The following TMPRSS6 variants were observed in gnomAD, a reference collection of about 807,000 sequenced individuals.
TMPRSS6 encodes the protein transmembrane serine protease 6, also known as transmembrane protease serine 6.
TMPRSS6 carries 67 observed loss-of-function variants against 101.5 expected under a neutral mutation model. That is an observed-to-expected ratio of 0.66 (90% CI 0.54 to 0.81). The LOEUF is 0.81. Ranked by LOEUF, TMPRSS6 falls within the 30% of genes least tolerant of loss-of-function variation. The pLI is 0.00. For missense variants in TMPRSS6, 1,034 were observed against 1,088.7 expected (o/e 0.95, Z 0.71); for synonymous variants, 453 against 464.9 (o/e 0.97, Z 0.33).
chr22:37,088,013 T>G (rs920060766), intron 7 of TMPRSS6, among the ~76,000 whole-genome samples: 1 of 152,016 alleles, frequency 6.6e-6, no homozygotes, highest in African/African-American at 2.4e-5. Context: ...GACCTGTCAT[T>G]TTAGAGCTTC....
In TMPRSS6 at chr22:37,069,333, G is replaced by T; in HGVS notation, c.1853C>A (p.Thr618Lys). Residue 618 changes from threonine (T) to lysine (K), a missense_variant, in exon 16 of 18, where the codon ACG becomes AAG. Coordinates refer to ENST00000676104, the MANE Select transcript of TMPRSS6 (RefSeq NM_001374504.1). This position sits in a 1 kb window ranked among gnomAD's most constrained non-coding sequence, Gnocchi z 4.8. ...HCFQEDSMAS[T>K]VLWTVFLGKV... ...GCCCAGGAACACGGTCCACAGCACC[G>T]TGGAGGCCATGCTGGGGTGGGGTGG... The T allele has an allele frequency of 3.1e-6, 4 of 1,299,472 alleles. No individual in the cohort carries two copies. The highest frequency in any genetic ancestry group is 3.2e-6 in the Non-Finnish European group (3 of 946,318). The allele number at this position is 1,299,472 out of a possible 1,614,324, so 80.5% of individuals were successfully genotyped here. A position where few individuals can be genotyped will look rare whatever the true frequency, so the allele number is the denominator to read the frequency against.
rs1212128825 is a variant in TMPRSS6 at position 37,065,473 on chromosome 22, TCAC to T, written c.*604_*606del. On this transcript the variant is annotated 3_prime_UTR_variant, in exon 18 of 18. Coordinates refer to ENST00000676104, the MANE Select transcript of TMPRSS6 (RefSeq NM_001374504.1). ...GCTTTATTCCAAAGGGCAGCTGAGC[TCAC>T]CTCCCAGTGAGGGTCTGGGCTGTGA... 6.5e-6 allele frequency: 1 copy of T among 153,846 alleles called. No homozygotes were observed. The highest frequency in any genetic ancestry group is 2.4e-5 in the African/African-American group (1 of 41,448). 9.5% of individuals were successfully genotyped at this position (153,846 alleles called of 1,614,324 possible). A position where few individuals can be genotyped will look rare whatever the true frequency, so the allele number is the denominator to read the frequency against.
At chr22:37,098,317 C>T in intron 3 of TMPRSS6, 99 bp downstream of exon 3, 1 of 1,575,656 alleles carries the variant, frequency 6.3e-7, no homozygotes, top group Non-Finnish European at 8.7e-7. Context: ...CCTGTGAATG[C>T]TCCAGATGGG....
chr22:37,078,937 G>A (rs5750377), intron 10 of TMPRSS6, among the ~76,000 whole-genome samples: 2,604 of 65,242 alleles, frequency 0.04, 102 homozygotes, highest in African/African-American at 0.27. Flanking sequence ...GAGGAAGAAG[G>A]AGAAGGAGAA....
At chr22:37,075,417 C>T (rs1314370139) in intron 10 of TMPRSS6, 137 bp from the exon 11 acceptor site, 4 of 1,189,678 alleles carry the variant, frequency 3.4e-6, no homozygotes, top group Non-Finnish European at 4.7e-6. Context: ...TGATTTCTCC[C>T]TTAGATGAGT....
intron 11 of TMPRSS6, among the ~76,000 whole-genome samples, 177 bp downstream of exon 11, chr22:37,074,958 C>T (rs1927486673): frequency 6.6e-6 from 1 of 152,246 alleles, no homozygotes; most frequent in Non-Finnish European, 1.5e-5. Flanking sequence ...GGCTGCCTTG[C>T]ACACGTGGGC....
At chr22:37,092,091 C>CTT (rs11319214) in intron 6 of TMPRSS6, among the ~76,000 whole-genome samples, 1,962 of 143,266 alleles carry the variant, frequency 0.014, 49 homozygotes, top group African/African-American at 0.048. Context: ...AATAATTACC[C>CTT]TTTTTTTTTT....
chr22:37,089,544 G>GGCCACCCAAC, intron 7 of TMPRSS6, 34 bp downstream of exon 7: 2 of 1,348,862 alleles, frequency 1.5e-6, no homozygotes, highest in Non-Finnish European at 2.1e-6. Context: ...CCCTTTTCCA[G>GGCCACCCAAC]CCCTCCCTCC....
intron 10 of TMPRSS6, among the ~76,000 whole-genome samples, chr22:37,079,909 T>C (rs1199374918): frequency 6.6e-6 from 1 of 152,170 alleles, no homozygotes; most frequent in Non-Finnish European, 1.5e-5. Flanking sequence ...CCACTAGCGC[T>C]CCGGAGAACA....
At chr22:37,072,838 T>TGATG (rs777111682) in intron 13 of TMPRSS6, among the ~76,000 whole-genome samples, 17 of 125,086 alleles carry the variant, frequency 1.4e-4, no homozygotes, top group Admixed American at 3.2e-4. Context: ...GATAGACGGA[T>TGATG]GATGGATGGA....
chr22:37,085,706 G>T (rs1425265890), intron 8 of TMPRSS6, among the ~76,000 whole-genome samples: 1 of 152,084 alleles, frequency 6.6e-6, no homozygotes, highest in Non-Finnish European at 1.5e-5. Context: ...CAGGAGGAGG[G>T]TGGGGGCTGG....
At chr22:37,092,163 G>C (rs1929328320) in intron 6 of TMPRSS6, among the ~76,000 whole-genome samples, 1 of 151,008 alleles carries the variant, frequency 6.6e-6, no homozygotes, top group Non-Finnish European at 1.5e-5. Flanking sequence ...AACACCTTCA[G>C]GGAGCCTGGC....
At chr22:37,066,698 T>G (rs1424054716) in intron 17 of TMPRSS6, 128 bp downstream of exon 17, 27 of 1,245,704 alleles carry the variant, frequency 2.2e-5, no homozygotes, top group Non-Finnish European at 3.1e-5. Flanking sequence ...AAAGTAGGGG[T>G]GGCCATCACC....
In TMPRSS6 at chr22:37,074,595, G is replaced by A. The variant is rs111807510; in HGVS notation, c.1441+15C>T. On this transcript the variant is annotated intron_variant, in intron 12 of 17. Coordinates refer to ENST00000676104, the MANE Select transcript of TMPRSS6 (RefSeq NM_001374504.1). ...ATGGGCAGGGAGAGGAGGGATGCGC[G>A]GGCGGGTTACTCACCGCAGTTTCTC... The A allele has an allele frequency of 4.2e-3, 6,693 of 1,608,402 alleles. 201 individuals carry two copies. In the African/African-American group the frequency reaches 0.068, roughly 16 times the overall value.
chr22:37,088,387 C>A (rs1057411236), intron 7 of TMPRSS6, among the ~76,000 whole-genome samples: 1 of 152,196 alleles, frequency 6.6e-6, no homozygotes, highest in South Asian at 2.1e-4. Flanking sequence ...GTCCCATCCC[C>A]ATCTGCCTGG....
At chr22:37,089,544 G>GGCCGCCCCA in intron 7 of TMPRSS6, 34 bp downstream of exon 7, 1 of 1,348,866 alleles carries the variant, frequency 7.4e-7, no homozygotes, top group Non-Finnish European at 1.0e-6. Flanking sequence ...CCCTTTTCCA[G>GGCCGCCCCA]CCCTCCCTCC....
chr22:37,080,921 C>T (rs1382486006), intron 10 of TMPRSS6, among the ~76,000 whole-genome samples: 1 of 152,276 alleles, frequency 6.6e-6, no homozygotes, highest in African/African-American at 2.4e-5. Context: ...ACCACACACA[C>T]ATGCACGTAC....
chr22:37,075,548 G>A (rs993268287), intron 10 of TMPRSS6, among the ~76,000 whole-genome samples: 1 of 152,208 alleles, frequency 6.6e-6, no homozygotes, highest in Admixed American at 6.5e-5. Flanking sequence ...AGTCACCTGT[G>A]AACTGTGAGG....
Position 37,103,455 on chromosome 22 carries a change from G to T in TMPRSS6, c.-1-37C>A. The T allele has an allele frequency of 6.2e-7, 1 of 1,614,218 alleles. No individual in the cohort carries two copies. The highest frequency in any genetic ancestry group is 8.5e-7 in the Non-Finnish European group (1 of 1,180,040). Reference sequence around the variant, plus strand: ...ACAGACCAAAGTTGGAAACAGCCTCGCATTTGCAAGGGAGCCTCTGCTGAG... The same window carrying T: ...ACAGACCAAAGTTGGAAACAGCCTCTCATTTGCAAGGGAGCCTCTGCTGAG... On this transcript the variant is annotated intron_variant, in intron 1 of 17. Transcript: ENST00000676104. This position sits in a 1 kb window ranked among gnomAD's most constrained non-coding sequence, Gnocchi z 4.4.
Sources: gnomAD v4.1 joint callset for allele counts (sites outside exome capture counted in the v4.1 genomes callset) on GRCh38, gnomAD v4.1.1 for gene constraint, Gnocchi (gnomAD v3.1) non-coding constraint, MANE v1.5 for transcripts, NCBI Gene and HGNC (gene_info 2026-07-23, HGNC 2026-07-21) for gene names.